Variants in RTL4 observed in about 807,000 individuals in gnomAD.
RTL4 encodes the protein retrotransposon Gag like 4.
RTL4 carries 4 observed loss-of-function variants against 5.3 expected under a neutral mutation model. The ratio of observed to expected loss-of-function variants is 0.75; its 90% CI spans 0.37 to 1.72. The LOEUF is 1.72. Among genes scored for constraint, RTL4 ranks in the 40% most tolerant of loss-of-function variants. The pLI is 0.04. For synonymous variants in RTL4, 98 were observed against 87.3 expected (o/e 1.12, Z -0.68); for missense variants, 260 against 227.1 (o/e 1.14, Z -0.93).
At chrX:112,181,863 C>G in the RTL4 span, among the ~76,000 whole-genome samples, 1 of 111,921 alleles carries the variant, frequency 8.9e-6, no homozygotes, top group Non-Finnish European at 1.9e-5. Context: ...AAGTGGGTCC[C>G]TGACCCGTGC....
At chrX:112,297,639 G>C in the RTL4 span, among the ~76,000 whole-genome samples, 1 of 111,358 alleles carries the variant, frequency 9.0e-6, no homozygotes, top group Admixed American at 9.5e-5. Flanking sequence ...GGGGCACAAA[G>C]CCAAACCATA....
At chrX:112,393,719 T>A in the RTL4 span, among the ~76,000 whole-genome samples, 16 of 112,069 alleles carry the variant, frequency 1.4e-4, no homozygotes, top group African/African-American at 5.2e-4. Context: ...ACTCCCTCCC[T>A]GTGGGAGCTC....
At chrX:112,336,058 G>T in the RTL4 span, among the ~76,000 whole-genome samples, 14 of 110,402 alleles carry the variant, frequency 1.3e-4, no homozygotes, top group Admixed American at 1.4e-3. Flanking sequence ...GCCTCCCAAA[G>T]TGCTGGGATT....
chrX:112,142,514 TC>T, the RTL4 span, among the ~76,000 whole-genome samples: 1 of 112,362 alleles, frequency 8.9e-6, no homozygotes, highest in East Asian at 2.8e-4. Flanking sequence ...TAATTTTTTT[TC>T]CCTGATACCA....
the RTL4 span, among the ~76,000 whole-genome samples, chrX:112,197,729 T>C: frequency 9.0e-6 from 1 of 111,606 alleles, no homozygotes; most frequent in African/African-American, 3.3e-5. Flanking sequence ...TCCCAAGGTG[T>C]TTCACTGCTG....
At chrX:112,176,811 T>G in the RTL4 span, among the ~76,000 whole-genome samples, 1 of 111,138 alleles carries the variant, frequency 9.0e-6, no homozygotes, top group Non-Finnish European at 1.9e-5. Flanking sequence ...ATTATCCAAC[T>G]TCTCTTCATC....
chrX:112,143,203 T>C, the RTL4 span, among the ~76,000 whole-genome samples: 1 of 111,634 alleles, frequency 9.0e-6, no homozygotes, highest in African/African-American at 3.3e-5. Flanking sequence ...AGATGTATGG[T>C]ATTAGGCTGC....
chrX:112,107,620 G>A, the RTL4 span, among the ~76,000 whole-genome samples: 1 of 111,834 alleles, frequency 8.9e-6, no homozygotes, highest in Non-Finnish European at 1.9e-5. Flanking sequence ...TCAGCACTTT[G>A]AATATATCAT....
At chrX:112,309,137 G>A in the RTL4 span, among the ~76,000 whole-genome samples, 1 of 111,382 alleles carries the variant, frequency 9.0e-6, no homozygotes, top group African/African-American at 3.3e-5. Context: ...CCATAGACTG[G>A]GTAGTTTAAA....
chrX:112,454,948 T>C, exon 1 of RTL4: 3 of 1,210,505 alleles, frequency 2.5e-6, no homozygotes, highest in Non-Finnish European at 3.4e-6. Flanking sequence ...TTGCTCAGAG[T>C]TCCTCACTCA....
chrX:112,165,591 C>G, the RTL4 span, among the ~76,000 whole-genome samples: 1 of 111,886 alleles, frequency 8.9e-6, no homozygotes, highest in Non-Finnish European at 1.9e-5. Flanking sequence ...ATCTCTCTCT[C>G]TCTCTCTTTC....
the RTL4 span, among the ~76,000 whole-genome samples, chrX:112,098,607 G>C: frequency 0.16 from 17,999 of 110,198 alleles, 2,411 homozygotes; most frequent in African/African-American, 0.44. Flanking sequence ...TTCTCCACAT[G>C]CTTTCCAGCA....
At chrX:112,362,963 T>C in the RTL4 span, among the ~76,000 whole-genome samples, 1 of 110,929 alleles carries the variant, frequency 9.0e-6, no homozygotes, top group East Asian at 2.9e-4. Flanking sequence ...CCCAAGTTTG[T>C]ACGGAAAAAG....
At chrX:112,150,851 T>A in the RTL4 span, among the ~76,000 whole-genome samples, 1 of 112,157 alleles carries the variant, frequency 8.9e-6, no homozygotes, top group African/African-American at 3.2e-5. Context: ...AGAGAACCAC[T>A]ACTCTCTTAG....
At chrX:112,246,563 A>T in the RTL4 span, among the ~76,000 whole-genome samples, 1 of 112,115 alleles carries the variant, frequency 8.9e-6, no homozygotes, top group Non-Finnish European at 1.9e-5. Flanking sequence ...CCATTTGCTA[A>T]GACTGTTGGA....
chrX:112,276,106 C>T, the RTL4 span, among the ~76,000 whole-genome samples: 12 of 111,817 alleles, frequency 1.1e-4, no homozygotes, highest in African/African-American at 3.9e-4. Flanking sequence ...TTTCTTTCTC[C>T]TCCATTTGGC....
chrX:112,116,662 C>T, the RTL4 span, among the ~76,000 whole-genome samples: 2 of 111,182 alleles, frequency 1.8e-5, no homozygotes, highest in African/African-American at 3.3e-5. Flanking sequence ...CTGATTGGTG[C>T]GTTTTATAAT....
chrX:112,176,378 G>A, the RTL4 span, among the ~76,000 whole-genome samples: 1 of 111,533 alleles, frequency 9.0e-6, no homozygotes, highest in African/African-American at 3.3e-5. Context: ...AGTAAGAAGT[G>A]ATTTCCCCCT....
At chrX:112,093,790 G>A in the RTL4 span, among the ~76,000 whole-genome samples, 3 of 112,199 alleles carry the variant, frequency 2.7e-5, no homozygotes, top group Non-Finnish European at 3.8e-5. Flanking sequence ...CAGGTAGAGA[G>A]GATTTGGGAT....
Sources: gnomAD v4.1 joint callset for allele counts (sites outside exome capture counted in the v4.1 genomes callset) on GRCh38, gnomAD v4.1.1 for gene constraint, MANE v1.5 for transcripts, NCBI Gene and HGNC (gene_info 2026-07-23, HGNC 2026-07-21) for gene names.